PSMD1: variants seen among roughly 807,000 people sequenced by gnomAD.
PSMD1 encodes the protein 26S proteasome non-ATPase regulatory subunit 1.
In PSMD1, 18 loss-of-function variants were observed where a neutral mutation model predicts 119.0. That is an observed-to-expected ratio of 0.15 (90% CI 0.10 to 0.22). The LOEUF (loss-of-function observed/expected upper bound fraction) is 0.22, where lower values mean the gene tolerates loss of function less well. Among genes scored for constraint, PSMD1 ranks in the 10% least tolerant of loss-of-function variants. PSMD1 has a pLI of 1.00. For missense variants in PSMD1, 702 were observed against 1,158.5 expected (o/e 0.61, Z 5.72); for synonymous variants, 374 against 396.6 (o/e 0.94, Z 0.68).
At chr2:231,080,014 A>G (rs1694267980) in intron 11 of PSMD1, 127 bp from the exon 12 acceptor site, 1 of 749,716 alleles carries the variant, frequency 1.3e-6, no homozygotes, top group Non-Finnish European at 2.0e-6. Flanking sequence ...TATGAGAGAG[A>G]GCCCCACTAC....
chr2:231,108,228 G>A (rs1470458362), intron 16 of PSMD1: 2 of 316,080 alleles, frequency 6.3e-6, no homozygotes, highest in Non-Finnish European at 1.2e-5. Flanking sequence ...TGATGACAGT[G>A]GTTCTTTTTA....
intron 16 of PSMD1, among the ~76,000 whole-genome samples, chr2:231,093,664 A>G (rs1341409535): frequency 1.3e-5 from 2 of 152,200 alleles, no homozygotes; most frequent in African/African-American, 4.8e-5. Flanking sequence ...AGGTTTTAGC[A>G]AAGTGCTTTT....
chr2:231,069,093 G>T (rs1693975247), intron 5 of PSMD1, among the ~76,000 whole-genome samples: 1 of 151,866 alleles, frequency 6.6e-6, no homozygotes, highest in Non-Finnish European at 1.5e-5. Context: ...GACCAACAAA[G>T]TTCCTGCCCA....
At chr2:231,109,467 T>G (rs905532768) in intron 16 of PSMD1, 11 of 1,415,202 alleles carry the variant, frequency 7.8e-6, no homozygotes, top group Non-Finnish European at 1.1e-5. Context: ...ACTCTTCGAT[T>G]AGATCCTTTT....
chr2:231,123,842 T>G, intron 16 of PSMD1: 1 of 1,154,796 alleles, frequency 8.7e-7, no homozygotes, highest in Non-Finnish European at 1.3e-6. Context: ...ATCTGTTTTT[T>G]TAAGGCATTG....
At position 231,083,615 on chromosome 2, in the gene PSMD1, A is replaced by G. The variant is rs199791094; in HGVS notation, c.1574A>G (p.Asn525Ser). 1.4e-4 allele frequency: 222 copies of G among 1,614,230 alleles called. No individual in the cohort carries two copies. In the Middle Eastern group the frequency reaches 1.8e-3, roughly 13 times the overall value. Residue 525 changes from asparagine to serine, a missense_variant, in exon 14 of 25, where the codon AAT (asparagine) becomes AGT (serine). By Grantham distance (46) the Asn-to-Ser change is conservative. This residue lies in a region of PSMD1 where 272 missense variants were observed against 511.6 expected (regional missense o/e 0.53). Coordinates refer to ENST00000308696, the MANE Select transcript of PSMD1 (RefSeq NM_002807.4). The part of the protein sequence containing the change: ...ALGLVMLGSK[N>S]AQAIEDMVGY... ...GGTTTGGTTATGTTGGGCTCTAAAA[A>G]TGCTCAGGCTATTGAGGACATGGTT...
chr2:231,082,779 C>T, intron 12 of PSMD1, 104 bp from the exon 13 acceptor site: 1 of 796,136 alleles, frequency 1.3e-6, no homozygotes, highest in Non-Finnish European at 2.0e-6. Flanking sequence ...CTTACTGAGC[C>T]AACCTCTGCA....
chr2:231,157,398 C>T (rs1237643356), intron 19 of PSMD1, among the ~76,000 whole-genome samples: 1 of 150,362 alleles, frequency 6.7e-6, no homozygotes, highest in Non-Finnish European at 1.5e-5. Context: ...TCTCTTCCTT[C>T]CTCTTTCAGC....
At chr2:231,118,524 C>T (rs1338192632) in intron 16 of PSMD1, among the ~76,000 whole-genome samples, 1 of 152,110 alleles carries the variant, frequency 6.6e-6, no homozygotes. Flanking sequence ...ATTTTATATA[C>T]GGTACAGGAA....
chr2:231,061,428 G>A, intron 2 of PSMD1, 118 bp downstream of exon 2: 1 of 797,656 alleles, frequency 1.3e-6, no homozygotes, highest in African/African-American at 1.8e-5. Flanking sequence ...CTTGTACCCA[G>A]TTACTGTAAC....
chr2:231,103,088 A>ACTAGGT (rs1179744884), intron 16 of PSMD1, among the ~76,000 whole-genome samples: 1 of 152,240 alleles, frequency 6.6e-6, no homozygotes, highest in Non-Finnish European at 1.5e-5. Context: ...TCCATTATGA[A>ACTAGGT]CTAGGTACAG....
At chr2:231,068,567 A>G (rs752350121) in intron 5 of PSMD1, among the ~76,000 whole-genome samples, 9 of 152,118 alleles carry the variant, frequency 5.9e-5, no homozygotes, top group Non-Finnish European at 5.9e-5. Flanking sequence ...CCGGAAATAA[A>G]CAATTCATGT....
At chr2:231,147,105 CA>C (rs1696268942) in intron 18 of PSMD1, among the ~76,000 whole-genome samples, 1 of 152,174 alleles carries the variant, frequency 6.6e-6, no homozygotes, top group Non-Finnish European at 1.5e-5. Flanking sequence ...ACTCACAACC[CA>C]GCTTGCCCCA....
At chr2:231,168,701 A>T (rs1026454177) in intron 23 of PSMD1, among the ~76,000 whole-genome samples, 1 of 152,224 alleles carries the variant, frequency 6.6e-6, no homozygotes, top group Non-Finnish European at 1.5e-5. Context: ...GTTGATGCAG[A>T]TATTTTTGAA....
chr2:231,071,619 G>T (rs559776301), intron 6 of PSMD1, among the ~76,000 whole-genome samples: 2 of 152,138 alleles, frequency 1.3e-5, no homozygotes, highest in Non-Finnish European at 2.9e-5. Flanking sequence ...TGATTAATGT[G>T]TTTATTTTGA....
At chr2:231,057,335 A>G (rs993242974) in intron 1 of PSMD1, among the ~76,000 whole-genome samples, 1 of 151,888 alleles carries the variant, frequency 6.6e-6, no homozygotes, top group Non-Finnish European at 1.5e-5. Flanking sequence ...AGAAGGGCTT[A>G]CCTTTTTTCT....
chr2:231,165,377 C>T (rs1365287001), intron 22 of PSMD1, 91 bp downstream of exon 22: 4 of 1,341,464 alleles, frequency 3.0e-6, no homozygotes, highest in South Asian at 3.5e-5. Context: ...TTCTACCTTG[C>T]TCTTGGCTTC....
intron 1 of PSMD1, 121 bp downstream of exon 1, chr2:231,057,162 T>C (rs1693617219): frequency 7.2e-6 from 9 of 1,242,704 alleles, no homozygotes; most frequent in Non-Finnish European, 8.5e-6. Flanking sequence ...AGCTTCTTGC[T>C]GCCCAGGGCC....
intron 16 of PSMD1, chr2:231,113,863 G>GT: frequency 6.2e-7 from 1 of 1,614,140 alleles, no homozygotes; most frequent in Non-Finnish European, 8.5e-7. Flanking sequence ...GATGGATGCG[G>GT]TTGAAAAGAG....
Sources: gnomAD v4.1 joint callset for allele counts (sites outside exome capture counted in the v4.1 genomes callset) on GRCh38, gnomAD v4.1.1 for gene constraint, gnomAD v4.1.1 regional missense constraint, MANE v1.5 for transcripts, NCBI Gene and HGNC (gene_info 2026-07-23, HGNC 2026-07-21) for gene names.